The following RSU1 variants were observed in gnomAD, a reference collection of about 807,000 sequenced individuals.
The protein encoded by RSU1 is Ras suppressor protein 1.
A neutral mutation model predicts 31.1 loss-of-function variants in RSU1; 26 were observed. That is an observed-to-expected ratio of 0.84 (90% CI 0.61 to 1.16). The LOEUF (loss-of-function observed/expected upper bound fraction) is 1.16, where lower values mean the gene tolerates loss of function less well. RSU1 is among the 50% of genes most tolerant of loss of function. RSU1 has a pLI of 0.00. For missense variants in RSU1, 320 were observed against 339.1 expected, an observed-to-expected ratio of 0.94 and a Z score of 0.44; for synonymous variants, 164 against 136.3, an observed-to-expected ratio of 1.20 and a Z score of -1.41.
intron 8 of RSU1, among the ~76,000 whole-genome samples, chr10:16,597,076 A>G (rs1833627748): frequency 6.6e-6 from 1 of 152,206 alleles, no homozygotes; most frequent in Non-Finnish European, 1.5e-5. Context: ...TGCCCATGGA[A>G]ACCTAGCAAT....
At chr10:16,635,925 C>T (rs1367679694) in intron 8 of RSU1, among the ~76,000 whole-genome samples, 2 of 152,144 alleles carry the variant, frequency 1.3e-5, no homozygotes, top group Non-Finnish European at 1.5e-5. Context: ...GTGGGCAAAG[C>T]GAACAACGTT....
At chr10:16,670,325 C>T (rs573628423) in intron 8 of RSU1, among the ~76,000 whole-genome samples, 94 of 152,276 alleles carry the variant, frequency 6.2e-4, no homozygotes, top group African/African-American at 2.2e-3. Flanking sequence ...CCTTTTTATT[C>T]CATGGTAAGA....
intron 2 of RSU1, among the ~76,000 whole-genome samples, chr10:16,807,297 A>C (rs1838293475): frequency 6.6e-6 from 1 of 152,244 alleles, no homozygotes; most frequent in South Asian, 2.1e-4. Context: ...GGAATAATTA[A>C]TGGATATGCA....
intron 8 of RSU1, among the ~76,000 whole-genome samples, chr10:16,682,808 C>T (rs900153891): frequency 1.6e-4 from 24 of 152,008 alleles, no homozygotes; most frequent in African/African-American, 5.6e-4. Context: ...CACAGGACCA[C>T]ACAGGTCCCA....
At chr10:16,697,179 G>A (rs1020407086) in intron 7 of RSU1, among the ~76,000 whole-genome samples, 4 of 152,110 alleles carry the variant, frequency 2.6e-5, no homozygotes, top group African/African-American at 4.8e-5. Context: ...CAGTGACCAC[G>A]GTGCAGCAAT....
At chr10:16,679,869 G>GTT (rs71374699) in intron 8 of RSU1, among the ~76,000 whole-genome samples, 86 of 124,640 alleles carry the variant, frequency 6.9e-4, no homozygotes, top group Non-Finnish European at 9.5e-4. Context: ...AAAGACTCAA[G>GTT]TTTTTTTTTT....
intron 8 of RSU1, among the ~76,000 whole-genome samples, chr10:16,664,635 T>C (rs960339101): frequency 2.6e-5 from 4 of 152,206 alleles, no homozygotes; most frequent in Admixed American, 1.3e-4. Flanking sequence ...CTATGGGAAC[T>C]ACACTTTTTA....
intron 8 of RSU1, among the ~76,000 whole-genome samples, chr10:16,622,709 G>C (rs552493516): frequency 1.3e-5 from 2 of 152,276 alleles, no homozygotes; most frequent in African/African-American, 4.8e-5. Context: ...AAGCCTTTGT[G>C]AATCACCACG....
intron 8 of RSU1, among the ~76,000 whole-genome samples, chr10:16,666,341 G>T (rs1240996306): frequency 6.6e-6 from 1 of 152,126 alleles, no homozygotes; most frequent in Non-Finnish European, 1.5e-5. Flanking sequence ...CATCTAAAAG[G>T]TCAAAGAAAG....
chr10:16,622,676 A>T (rs1834089998), intron 8 of RSU1, among the ~76,000 whole-genome samples: 3 of 152,208 alleles, frequency 2.0e-5, no homozygotes, highest in Admixed American at 2.0e-4. Flanking sequence ...TCCCTGAAAG[A>T]TGAGCCTAAA....
intron 8 of RSU1, among the ~76,000 whole-genome samples, chr10:16,638,127 T>C (rs1324017338): frequency 6.6e-6 from 1 of 152,180 alleles, no homozygotes; most frequent in Non-Finnish European, 1.5e-5. Context: ...GATTTATATA[T>C]TTTATAGGCA....
intron 7 of RSU1, among the ~76,000 whole-genome samples, chr10:16,712,195 C>A (rs1836035090): frequency 6.6e-6 from 1 of 152,098 alleles, no homozygotes; most frequent in Admixed American, 6.6e-5. Context: ...TTTTTCCATT[C>A]CTTCACTTTC....
intron 7 of RSU1, among the ~76,000 whole-genome samples, chr10:16,714,468 A>G (rs557692854): frequency 3.9e-5 from 6 of 152,212 alleles, no homozygotes; most frequent in Admixed American, 3.3e-4. Flanking sequence ...AGGCTGCCAC[A>G]GGACCAACAG....
chr10:16,773,454 G>C (rs144500627), intron 3 of RSU1, among the ~76,000 whole-genome samples: 34 of 152,284 alleles, frequency 2.2e-4, no homozygotes, highest in African/African-American at 7.7e-4. Context: ...ACTGGAAGGA[G>C]TAAGGATCCA....
chr10:16,610,040 A>G (rs1425766051), intron 8 of RSU1, among the ~76,000 whole-genome samples: 2 of 152,248 alleles, frequency 1.3e-5, no homozygotes, highest in African/African-American at 4.8e-5. Context: ...ATTTAACCCA[A>G]TATAGCCAAA....
intron 4 of RSU1, among the ~76,000 whole-genome samples, chr10:16,762,143 G>A (rs960585098): frequency 3.3e-5 from 5 of 151,956 alleles, no homozygotes; most frequent in Non-Finnish European, 7.4e-5. Context: ...TTGGCTCCCC[G>A]GTACTAGGAA....
At chr10:16,645,983 TAC>T in intron 8 of RSU1, among the ~76,000 whole-genome samples, 1 of 89,254 alleles carries the variant, frequency 1.1e-5, no homozygotes, top group African/African-American at 6.4e-5. Flanking sequence ...TATGTGTATA[TAC>T]ATATATGTGT....
chr10:16,662,662 C>G (rs1181810792), intron 8 of RSU1, among the ~76,000 whole-genome samples: 1 of 152,070 alleles, frequency 6.6e-6, no homozygotes, highest in African/African-American at 2.4e-5. Flanking sequence ...AAAGAAGAAT[C>G]AATAAATGAA....
At chr10:16,718,739 G>C (rs1836194510) in intron 7 of RSU1, among the ~76,000 whole-genome samples, 1 of 152,160 alleles carries the variant, frequency 6.6e-6, no homozygotes, top group African/African-American at 2.4e-5. Context: ...CCAGCACTTT[G>C]GGAGGCTGAG....
Sources: gnomAD v4.1 joint callset for allele counts (sites outside exome capture counted in the v4.1 genomes callset) on GRCh38, gnomAD v4.1.1 for gene constraint, MANE v1.5 for transcripts, NCBI Gene and HGNC (gene_info 2026-07-23, HGNC 2026-07-21) for gene names.